Variants in NPY1R observed in about 807,000 individuals in gnomAD.
NPY1R encodes the protein neuropeptide Y receptor type 1.
NPY1R carries 10 observed loss-of-function variants against 24.1 expected under a neutral mutation model. The ratio of observed to expected loss-of-function variants is 0.42; its 90% confidence interval spans 0.26 to 0.71. The LOEUF (loss-of-function observed/expected upper bound fraction) is 0.71, where lower values mean the gene tolerates loss of function less well. NPY1R is among the 30% of genes least tolerant of loss of function. The pLI is 0.28. For synonymous variants in NPY1R, 168 were observed against 165.9 expected, an observed-to-expected ratio of 1.01 and a Z score of -0.10; for missense variants, 350 against 458.0, an observed-to-expected ratio of 0.76 and a Z score of 2.15.
intron 1 of NPY1R, 136 bp from the exon 2 acceptor site, chr4:163,326,841 A>G (rs1734620555): frequency 3.9e-6 from 1 of 257,066 alleles, no homozygotes; most frequent in Non-Finnish European, 7.4e-6. Context: ...ATCTTTCTAA[A>G]ATAGCAGAAA....
At chr4:163,331,708 C>T (rs1368451140) in intron 1 of NPY1R, among the ~76,000 whole-genome samples, 1 of 152,234 alleles carries the variant, frequency 6.6e-6, no homozygotes, top group Non-Finnish European at 1.5e-5. Flanking sequence ...ATCAAGACAC[C>T]TCCACCTCCT....
chr4:163,342,170 A>G (rs1269526478), intron 1 of NPY1R, among the ~76,000 whole-genome samples: 1 of 152,232 alleles, frequency 6.6e-6, no homozygotes, highest in Admixed American at 6.5e-5. Context: ...AGTGACTTCA[A>G]CCTAAAGGTT....
At chr4:163,335,568 T>C (rs866789452), upstream of NPY1R, among the ~76,000 whole-genome samples, 31 of 152,164 alleles carry the variant, frequency 2.0e-4, no homozygotes, top group African/African-American at 7.0e-4. Flanking sequence ...TACCATGAAT[T>C]GTCACTCAGA....
intron 1 of NPY1R, among the ~76,000 whole-genome samples, chr4:163,329,958 C>T (rs150777358): frequency 3.1e-4 from 47 of 151,976 alleles, no homozygotes; most frequent in African/African-American, 1.0e-3. Context: ...TCTGGAGAGT[C>T]TTTGGCAAAG....
At chr4:163,341,534 C>T (rs956256359) in intron 1 of NPY1R, among the ~76,000 whole-genome samples, 5 of 152,152 alleles carry the variant, frequency 3.3e-5, no homozygotes, top group African/African-American at 9.7e-5. Context: ...CAAAATACTA[C>T]CCCAGGAATT....
chr4:163,340,957 A>ACAGTGTTT (rs1324631975), intron 1 of NPY1R, among the ~76,000 whole-genome samples: 3 of 152,128 alleles, frequency 2.0e-5, no homozygotes, highest in Non-Finnish European at 4.4e-5. Context: ...CTTAAGGAGC[A>ACAGTGTTT]CAGTGTTTAT....
At chr4:163,328,533 T>A (rs187052477) in intron 1 of NPY1R, among the ~76,000 whole-genome samples, 8 of 152,340 alleles carry the variant, frequency 5.3e-5, no homozygotes, top group Admixed American at 2.0e-4. Context: ...AGGGAAAAGC[T>A]TTTTATCCTT....
chr4:163,326,788 G>A, intron 1 of NPY1R, 83 bp from the exon 2 acceptor site: 2 of 384,302 alleles, frequency 5.2e-6, no homozygotes, highest in Non-Finnish European at 9.3e-6. Context: ...ACTCTTTAAA[G>A]TGAAAACACT....
rs760864509 is a variant in NPY1R at position 163,325,556 on chromosome 4, A to G, written c.902T>C (p.Leu301Ser). The change falls in exon 3 of 3, where the codon TTA (leucine) becomes TCA (serine). Residue 301 changes from leucine to serine, a missense_variant. Physicochemically the swap from Leu to Ser is moderately radical, Grantham distance 145 (BLOSUM62 -2). Transcript: ENST00000296533. ...TGCTGTGAGGTGGCAGAGCAGGAAT[A>G]ACAGATTGTGGTTGCAGGTAGCAAT... Reference protein sequence around the residue: ...QIIATCNHNLLFLLCHLTAMI... With the variant: ...QIIATCNHNLSFLLCHLTAMI... The G allele has an allele frequency of 9.3e-6, 15 of 1,614,106 alleles. No individual in the cohort carries two copies. The highest frequency in any genetic ancestry group is 1.2e-5 in the Non-Finnish European group (14 of 1,180,008).
intron 1 of NPY1R, among the ~76,000 whole-genome samples, chr4:163,341,139 C>T (rs1237204973): frequency 6.6e-6 from 1 of 151,668 alleles, no homozygotes; most frequent in African/African-American, 2.4e-5. Flanking sequence ...AAGAAGTTGG[C>T]TCCTCATTTG....
chr4:163,342,232 T>A (rs1735004264), intron 1 of NPY1R, among the ~76,000 whole-genome samples: 1 of 152,350 alleles, frequency 6.6e-6, no homozygotes, highest in Non-Finnish European at 1.5e-5. Context: ...ATAAGATTTT[T>A]TAATACTTTT....
rs1422232336 is a variant in NPY1R at position 163,325,497 on chromosome 4, C to A, written c.961G>T (p.Gly321Trp). 1 of 1,613,896 alleles carries A rather than the reference C, an allele frequency of 6.2e-7. No individual in the cohort carries two copies. Among genetic ancestry groups the A allele is most frequent in the Non-Finnish European group, 8.5e-7 (1 of 1,179,970 alleles). Residue 321 changes from glycine to tryptophan, a missense_variant, in exon 3 of 3, where the codon GGG becomes TGG. By Grantham distance (184) the Gly-to-Trp change is radical. Transcript: ENST00000296533. ...CTCTGGAAGTTTTTGTTCAGGAACC[C>A]ATAAAATATGGGGTTGACACAAGTG... Reference protein sequence around the residue: ...ISTCVNPIFYGFLNKNFQRDL... With the variant: ...ISTCVNPIFYWFLNKNFQRDL...
Position 163,325,878 on chromosome 4 carries a change from A to T in NPY1R, c.677T>A (p.Phe226Tyr), listed in dbSNP as rs1445375611. 4 of 1,613,710 alleles carry T rather than the reference A, an allele frequency of 2.5e-6. 1 individual carries two copies. The African/African-American group carries it at 5.3e-5, about 22-fold the overall frequency. Residue 226 changes from phenylalanine (F) to tyrosine (Y), a missense_variant, in exon 2 of 3, where the codon TTT becomes TAT. By Grantham distance (22) the Phe-to-Tyr change is conservative. Coordinates refer to ENST00000296533, the MANE Select transcript of NPY1R (RefSeq NM_000909.6). ...LVLQYFGPLC[F>Y]IFICYFKIYI... ...TACCTTGAAGTAGCAAATAAATATA[A>T]AACAAAGTGGACCAAAATACTGCAG...
Position 163,325,083 on chromosome 4 carries a change from T to C in NPY1R, c.*220A>G. The stretch of plus-strand genomic sequence containing the variant: ...TCACAAAAAGCACTTCAAAGATGTC[T>C]GGTCAAAACTATTTCCAGAAGACCC... On this transcript the variant is annotated 3_prime_UTR_variant, in exon 3 of 3. Coordinates refer to ENST00000296533, the MANE Select transcript of NPY1R (RefSeq NM_000909.6). The C allele has an allele frequency of 1.9e-6, 1 of 518,376 alleles. No homozygotes were observed. Among genetic ancestry groups the C allele is most frequent in the South Asian group, 2.8e-5 (1 of 35,916 alleles). The allele number at this position is 518,376 out of a possible 1,614,324, so 32.1% of individuals were successfully genotyped here. A position where few individuals can be genotyped will look rare whatever the true frequency, so the allele number is the denominator to read the frequency against.
intron 1 of NPY1R, among the ~76,000 whole-genome samples, chr4:163,331,872 G>A (rs932382717): frequency 6.6e-6 from 1 of 152,224 alleles, no homozygotes; most frequent in Non-Finnish European, 1.5e-5. Flanking sequence ...ACTGCGGAGC[G>A]CGGCTCGATT....
At chr4:163,329,096 C>A (rs1445717527) in intron 1 of NPY1R, among the ~76,000 whole-genome samples, 1 of 152,120 alleles carries the variant, frequency 6.6e-6, no homozygotes, top group African/African-American at 2.4e-5. Context: ...GAAAATGTTA[C>A]ACTTTATATA....
chr4:163,331,645 A>G (rs1401307653), intron 1 of NPY1R, among the ~76,000 whole-genome samples: 1 of 152,030 alleles, frequency 6.6e-6, no homozygotes, highest in African/African-American at 2.4e-5. Context: ...CCAACATCAG[A>G]CCTTAAAACA....
upstream of NPY1R, among the ~76,000 whole-genome samples, chr4:163,336,181 T>G (rs1352187319): frequency 6.6e-6 from 1 of 152,192 alleles, no homozygotes; most frequent in East Asian, 1.9e-4. Flanking sequence ...GCTGCATATT[T>G]CGGGGCATTT....
In NPY1R at chr4:163,325,120, C is replaced by A. The variant is rs552581455; in HGVS notation, c.*183G>T. ...TTTCCAGAAGACCCCAAAGCCCACA[C>A]CTTTTGTTCCAAATGTAATTATGAC... is the stretch of plus-strand genomic sequence containing the variant. On this transcript the variant is annotated 3_prime_UTR_variant, in exon 3 of 3. Coordinates refer to ENST00000296533, the MANE Select transcript of NPY1R (RefSeq NM_000909.6). 1.7e-6 allele frequency: 1 copy of A among 586,204 alleles called. No homozygotes were observed. Among genetic ancestry groups the A allele is most frequent in the Non-Finnish European group, 3.0e-6 (1 of 335,452 alleles). 36.3% of individuals were successfully genotyped at this position (586,204 alleles called of 1,614,324 possible).
Sources: allele counts gnomAD v4.1 joint callset (sites outside exome capture counted in the v4.1 genomes callset), GRCh38; gene constraint gnomAD v4.1.1; transcripts MANE v1.5; gene names NCBI Gene and HGNC (gene_info 2026-07-23, HGNC 2026-07-21).